The following SEMA3A variants were observed in gnomAD, a reference collection of about 807,000 sequenced individuals.
The protein encoded by SEMA3A is semaphorin 3A.
A neutral mutation model predicts 97.9 loss-of-function variants in SEMA3A; 29 were observed. The observed-to-expected ratio is 0.30, with a 90% CI of 0.22 to 0.40. The LOEUF (loss-of-function observed/expected upper bound fraction) is 0.40, where lower values mean the gene tolerates loss of function less well. Ranked by LOEUF, SEMA3A falls within the 10% of genes least tolerant of loss-of-function variation. The pLI, the probability that SEMA3A is intolerant of heterozygous loss-of-function variation, is 1.00. For synonymous variants in SEMA3A, 321 were observed against 323.7 expected (o/e 0.99, Z 0.09); for missense variants, 763 against 951.3 (o/e 0.80, Z 2.60).
chr7:84,292,732 G>C (rs935807540), intron 3 of SEMA3A, among the ~76,000 whole-genome samples: 7 of 152,024 alleles, frequency 4.6e-5, no homozygotes, highest in Non-Finnish European at 8.8e-5. Context: ...ATAGTTTCAA[G>C]AATGTGTAAA....
chr7:84,408,726 G>A (rs1303991551), intron 1 of SEMA3A, among the ~76,000 whole-genome samples: 1 of 151,276 alleles, frequency 6.6e-6, no homozygotes, highest in African/African-American at 2.4e-5. Flanking sequence ...AAAAAATGAT[G>A]AGTTCATGTC....
At chr7:84,409,873 A>T (rs2116245923) in intron 1 of SEMA3A, among the ~76,000 whole-genome samples, 1 of 152,240 alleles carries the variant, frequency 6.6e-6, no homozygotes, top group African/African-American at 2.4e-5. Flanking sequence ...TTAGATATTT[A>T]TGCATTGCTT....
chr7:84,170,341 AC>A (rs1797348024), intron 1 of SEMA3A, among the ~76,000 whole-genome samples: 1 of 152,042 alleles, frequency 6.6e-6, no homozygotes, highest in Non-Finnish European at 1.5e-5. Context: ...ATGTGCAGCT[AC>A]TGCAATTTCT....
chr7:84,230,172 A>G (rs1799087259), intron 3 of SEMA3A, among the ~76,000 whole-genome samples: 1 of 151,768 alleles, frequency 6.6e-6, no homozygotes, highest in Non-Finnish European at 1.5e-5. Context: ...TACTTCACAG[A>G]TCTATAACCC....
intron 3 of SEMA3A, among the ~76,000 whole-genome samples, chr7:84,117,538 G>T (rs192746720): frequency 6.6e-6 from 1 of 152,178 alleles, no homozygotes; most frequent in Admixed American, 6.5e-5. Flanking sequence ...CCTGAGCTCC[G>T]CCTTCTGTCT....
intron 3 of SEMA3A, among the ~76,000 whole-genome samples, chr7:84,296,783 T>C (rs2115806685): frequency 6.6e-6 from 1 of 152,232 alleles, no homozygotes; most frequent in South Asian, 2.1e-4. Context: ...TACAAGATGT[T>C]AAGGGAACAA....
chr7:84,407,751 C>G (rs1353720029), intron 1 of SEMA3A, among the ~76,000 whole-genome samples: 1 of 152,156 alleles, frequency 6.6e-6, no homozygotes, highest in Admixed American at 6.6e-5. Flanking sequence ...ATATCTACAA[C>G]TATCTGATCT....
At position 84,294,285 on chromosome 7, in the gene SEMA3A, T is replaced by C. The variant is rs2189442; in HGVS notation, c.-83+12922A>G. On this transcript the variant is annotated intron_variant, in intron 3 of 3. Coordinates refer to the SEMA3A transcript ENST00000424555. ...TTCCTGGCACCATAGGAAACACTGA[T>C]TGGCTTCCCCACTTTTAATTTTCAC... is the stretch of plus-strand genomic sequence containing the variant. Among the ~76,000 whole-genome samples the C allele has an allele frequency of 8.0e-3, 1,219 of 152,160 alleles. 15 individuals are homozygous for C. Among genetic ancestry groups the C allele is most frequent in the African/African-American group, 0.028 (1,159 of 41,566 alleles).
chr7:84,088,836 G>T (rs1361123685), intron 4 of SEMA3A, among the ~76,000 whole-genome samples: 14 of 152,054 alleles, frequency 9.2e-5, no homozygotes, highest in Non-Finnish European at 1.9e-4. Flanking sequence ...GTTACTTGCA[G>T]CCATGATTAA....
intron 1 of SEMA3A, among the ~76,000 whole-genome samples, chr7:84,492,293 T>C (rs1158268597): frequency 6.6e-6 from 1 of 152,144 alleles, no homozygotes; most frequent in Admixed American, 6.6e-5. Flanking sequence ...TAAGTATTAA[T>C]GACAGTGCCA....
intron 4 of SEMA3A, among the ~76,000 whole-genome samples, chr7:84,062,691 C>T (rs904159601): frequency 9.2e-5 from 14 of 152,318 alleles, no homozygotes; most frequent in African/African-American, 1.7e-4. Flanking sequence ...CACTCCCACC[C>T]GAATACTGCG....
chr7:84,069,729 C>CATT (rs3839785), intron 4 of SEMA3A, among the ~76,000 whole-genome samples: 60,511 of 151,656 alleles, frequency 0.4, 13,698 homozygotes, highest in African/African-American at 0.63. Context: ...AAAGTTACAA[C>CATT]ATTACATAGA....
At chr7:84,131,569 A>G (rs1018904820) in intron 2 of SEMA3A, among the ~76,000 whole-genome samples, 1 of 152,098 alleles carries the variant, frequency 6.6e-6, no homozygotes, top group Non-Finnish European at 1.5e-5. Context: ...TGCCTCGAAG[A>G]GGGATTTGCC....
intron 2 of SEMA3A, among the ~76,000 whole-genome samples, chr7:84,347,963 C>T (rs1364134857): frequency 1.3e-5 from 2 of 152,030 alleles, no homozygotes; most frequent in Admixed American, 6.5e-5. Flanking sequence ...CTCACTAAAT[C>T]GTACATTTGA....
At chr7:84,431,858 A>G (rs192504263) in intron 1 of SEMA3A, among the ~76,000 whole-genome samples, 3 of 152,078 alleles carry the variant, frequency 2.0e-5, no homozygotes, top group Non-Finnish European at 4.4e-5. Flanking sequence ...ATATGTAAAG[A>G]AATAATTACT....
chr7:84,481,126 C>T (rs1806432677), intron 1 of SEMA3A, among the ~76,000 whole-genome samples: 1 of 152,104 alleles, frequency 6.6e-6, no homozygotes, highest in South Asian at 2.1e-4. Context: ...AGAAGCAATC[C>T]TGTTCTTTGT....
intron 3 of SEMA3A, among the ~76,000 whole-genome samples, chr7:84,258,246 CT>C (rs1799761341): frequency 6.6e-6 from 1 of 152,084 alleles, no homozygotes; most frequent in African/African-American, 2.4e-5. Flanking sequence ...AGCAATCCTT[CT>C]GATATAAGCT....
chr7:84,361,522 G>T (rs777625539), intron 2 of SEMA3A, among the ~76,000 whole-genome samples: 1 of 151,888 alleles, frequency 6.6e-6, no homozygotes, highest in Non-Finnish European at 1.5e-5. Context: ...ATCGAACATG[G>T]GAGTTAGATT....
chr7:84,143,821 A>T (rs1428694940), intron 1 of SEMA3A, among the ~76,000 whole-genome samples: 2 of 151,706 alleles, frequency 1.3e-5, no homozygotes, highest in Non-Finnish European at 2.9e-5. Context: ...GAAAAGAAAA[A>T]GAAAAAGTAG....
Sources: gnomAD v4.1 joint callset for allele counts (sites outside exome capture counted in the v4.1 genomes callset) on GRCh38, gnomAD v4.1.1 for gene constraint, MANE v1.5 for transcripts, NCBI Gene and HGNC (gene_info 2026-07-23, HGNC 2026-07-21) for gene names.